Variants in PRUNE1 observed in about 807,000 individuals in gnomAD.
PRUNE1 encodes the protein exopolyphosphatase PRUNE1.
Under a neutral mutation model 42.5 loss-of-function variants are expected in PRUNE1, and 25 were observed. The ratio of observed to expected loss-of-function variants is 0.59; its 90% CI spans 0.43 to 0.82. The LOEUF is 0.82. Ranked by LOEUF, PRUNE1 falls within the 40% of genes least tolerant of loss-of-function variation. The pLI is 0.00. For synonymous variants in PRUNE1, 203 were observed against 217.1 expected (o/e 0.93, Z 0.57); for missense variants, 443 against 539.3 (o/e 0.82, Z 1.77).
chr1:151,032,255 AAATT>A (rs1421434478), intron 7 of PRUNE1, among the ~76,000 whole-genome samples: 1 of 151,398 alleles, frequency 6.6e-6, no homozygotes, highest in African/African-American at 2.4e-5. Context: ...AAAAAAAAAA[AAATT>A]AAAGTAAAAT....
At chr1:151,025,001 C>T (rs1202051313) in intron 4 of PRUNE1, among the ~76,000 whole-genome samples, 1 of 151,448 alleles carries the variant, frequency 6.6e-6, no homozygotes, top group Non-Finnish European at 1.5e-5. Flanking sequence ...AAAGGAAGTG[C>T]AGGGCAACAG....
At chr1:151,020,171 C>A (rs1330661248) in intron 3 of PRUNE1, among the ~76,000 whole-genome samples, 1 of 139,522 alleles carries the variant, frequency 7.2e-6, no homozygotes, top group Non-Finnish European at 1.6e-5. Context: ...TGTGGTGGCT[C>A]ACGCCTGTAA....
At chr1:151,031,677 G>T (rs1017941766) in intron 7 of PRUNE1, among the ~76,000 whole-genome samples, 38 of 152,146 alleles carry the variant, frequency 2.5e-4, no homozygotes, top group African/African-American at 9.2e-4. Flanking sequence ...GCATGTAAGT[G>T]AGGGTAATAG....
chr1:151,008,753 G>T, intron 1 of PRUNE1, 82 bp downstream of exon 1: 1 of 1,541,004 alleles, frequency 6.5e-7, no homozygotes. Context: ...GGGGAGCCTC[G>T]ACGGTCCGTG....
chr1:151,033,155 G>T (rs1402827173), intron 7 of PRUNE1, among the ~76,000 whole-genome samples: 1 of 148,476 alleles, frequency 6.7e-6, no homozygotes, highest in African/African-American at 2.5e-5. Flanking sequence ...GCACCATCTT[G>T]GCTCACTGCA....
chr1:151,012,423 C>T (rs769180621), intron 1 of PRUNE1, among the ~76,000 whole-genome samples: 1 of 152,162 alleles, frequency 6.6e-6, no homozygotes, highest in African/African-American at 2.4e-5. Context: ...TTCTCATAAG[C>T]GTCCCAGTTT....
intron 7 of PRUNE1, among the ~76,000 whole-genome samples, chr1:151,031,925 A>G (rs926606315): frequency 1.3e-5 from 2 of 152,148 alleles, no homozygotes; most frequent in African/African-American, 4.8e-5. Context: ...GAAATATACA[A>G]TCTAAACTGT....
At chr1:151,031,193 G>GTGTT (rs1553254659) in intron 7 of PRUNE1, among the ~76,000 whole-genome samples, 2 of 119,540 alleles carry the variant, frequency 1.7e-5, no homozygotes, top group Admixed American at 9.8e-5. Flanking sequence ...GTGTGTGTGT[G>GTGTT]TTTTTTTTTT....
At chr1:151,033,551 C>T (rs1185240505) in intron 7 of PRUNE1, among the ~76,000 whole-genome samples, 5 of 151,568 alleles carry the variant, frequency 3.3e-5, no homozygotes, top group East Asian at 3.9e-4. Flanking sequence ...CCACCATGCC[C>T]GGCTAATTTT....
intron 6 of PRUNE1, among the ~76,000 whole-genome samples, chr1:151,027,789 CGT>C (rs1255792748): frequency 6.8e-6 from 1 of 146,026 alleles, no homozygotes; most frequent in Non-Finnish European, 1.5e-5. Context: ...TGTGCGCGCG[CGT>C]GTATGTATGT....
chr1:151,027,767 T>TGCGCGC (rs1168514847), intron 6 of PRUNE1, among the ~76,000 whole-genome samples: 1 of 148,320 alleles, frequency 6.7e-6, no homozygotes, highest in African/African-American at 2.5e-5. Context: ...TGTGTGTGTG[T>TGCGCGC]GTGTGTGTGT....
At position 151,025,507 on chromosome 1, in the gene PRUNE1, C is replaced by T; in HGVS notation, c.521-8C>T. On this transcript the variant is annotated splice_polypyrimidine_tract_variant and splice_region_variant and intron_variant, in intron 4 of 7. Coordinates refer to ENST00000271620, the MANE Select transcript of PRUNE1 (RefSeq NM_021222.3). ...GGATTCAAGTTCCACCATCTCCCTT[C>T]TCCACAGGAACCATCATCCTGGACT... The T allele has an allele frequency of 6.2e-7, 1 of 1,611,372 alleles. No homozygotes were observed. Among genetic ancestry groups the T allele is most frequent in the Non-Finnish European group, 8.5e-7 (1 of 1,178,852 alleles).
chr1:151,008,596 A>C lies in PRUNE1; in HGVS notation c.-37A>C, dbSNP rs768539853. The C allele has an allele frequency of 4.3e-6, 7 of 1,613,188 alleles. No homozygotes were observed. Among genetic ancestry groups the C allele is most frequent in the Non-Finnish European group, 5.9e-6 (7 of 1,179,324 alleles). On this transcript the variant is annotated 5_prime_UTR_variant, in exon 1 of 8. Coordinates refer to ENST00000271620, the MANE Select transcript of PRUNE1 (RefSeq NM_021222.3). The stretch of plus-strand genomic sequence containing the variant: ...CCTCTCCTCGACCAGGGGCACCTCT[A>C]CTCGACCAGGGGCGACGGCGTACTT...
intron 6 of PRUNE1, among the ~76,000 whole-genome samples, chr1:151,027,779 T>TGC (rs1320940349): frequency 2.4e-4 from 36 of 147,732 alleles, no homozygotes; most frequent in African/African-American, 7.4e-4. Flanking sequence ...TGTGTGTGTG[T>TGC]GTGCGCGCGC....
Position 151,035,534 on chromosome 1 carries a change from G to T in PRUNE1, c.*1300G>T, listed in dbSNP as rs1009091985. Reference sequence around the variant, plus strand: ...TCACTGAACAGTGGGGTATGTGATGGTTTTGGCATGACATCTTCAGTATGA... The same window carrying T: ...TCACTGAACAGTGGGGTATGTGATGTTTTTGGCATGACATCTTCAGTATGA... On this transcript the variant is annotated 3_prime_UTR_variant, in exon 8 of 8. Coordinates refer to ENST00000271620, the MANE Select transcript of PRUNE1 (RefSeq NM_021222.3). The T allele has an allele frequency of 6.6e-6, 1 of 152,532 alleles. No individual in the cohort carries two copies. The highest frequency in any genetic ancestry group is 1.5e-5 in the Non-Finnish European group (1 of 68,040). The allele number at this position is 152,532 out of a possible 1,614,324, so 9.4% of individuals were successfully genotyped here. A position where few individuals can be genotyped will look rare whatever the true frequency, so the allele number is the denominator to read the frequency against.
chr1:151,011,482 C>T (rs1263925509), intron 1 of PRUNE1, among the ~76,000 whole-genome samples: 1 of 152,156 alleles, frequency 6.6e-6, no homozygotes, highest in African/African-American at 2.4e-5. Context: ...AGGCATGAGG[C>T]AGGAATCAGG....
At position 151,034,061 on chromosome 1, in the gene PRUNE1, G is replaced by A. The variant is rs3738477; in HGVS notation, c.1189G>A (p.Gly397Ser). 0.014 allele frequency: 22,959 copies of A among 1,614,182 alleles called. 2,695 individuals are homozygous for A. The East Asian group carries it at 0.33, about 23-fold the overall frequency. The change falls in exon 8 of 8, where the codon GGC becomes AGC. Residue 397 changes from glycine (G) to serine (S), a missense_variant. Physicochemically the swap from Gly to Ser is moderately conservative, Grantham distance 56 (BLOSUM62 0). Coordinates refer to ENST00000271620, the MANE Select transcript of PRUNE1 (RefSeq NM_021222.3). ...LDRASNSLIS[G>S]LSQDEEDPPL... ...CAGGGCAAGTAACTCCCTGATTTCT[G>A]GCCTGAGTCAAGATGAGGAGGACCC...
chr1:151,029,777 CT>C (rs1435413057), intron 7 of PRUNE1, among the ~76,000 whole-genome samples: 1 of 151,878 alleles, frequency 6.6e-6, no homozygotes, highest in Non-Finnish European at 1.5e-5. Context: ...TTCCTCACCC[CT>C]GGAATTATGC....
At chr1:151,016,393 A>G (rs1366039206) in intron 1 of PRUNE1, among the ~76,000 whole-genome samples, 3 of 152,224 alleles carry the variant, frequency 2.0e-5, no homozygotes, top group African/African-American at 7.2e-5. Context: ...TGATTAATGC[A>G]TGAAAAAATA....
Sources: gnomAD v4.1 joint callset for allele counts (sites outside exome capture counted in the v4.1 genomes callset) on GRCh38, gnomAD v4.1.1 for gene constraint, MANE v1.5 for transcripts, NCBI Gene and HGNC (gene_info 2026-07-23, HGNC 2026-07-21) for gene names.